The following HIBADH variants were observed in gnomAD, a reference collection of about 807,000 sequenced individuals.
The protein encoded by HIBADH is 3-hydroxyisobutyrate dehydrogenase, mitochondrial.
Under a neutral mutation model 36.1 loss-of-function variants are expected in HIBADH, and 25 were observed. The observed-to-expected ratio is 0.69, with a 90% CI of 0.50 to 0.97. The LOEUF (loss-of-function observed/expected upper bound fraction) is 0.97, where lower values mean the gene tolerates loss of function less well. Among genes scored for constraint, HIBADH ranks in the 50% least tolerant of loss-of-function variants. The pLI, the probability that HIBADH is intolerant of heterozygous loss-of-function variation, is 0.00. For missense variants in HIBADH, 421 were observed against 418.0 expected (o/e 1.01, Z -0.06); for synonymous variants, 160 against 149.5 (o/e 1.07, Z -0.51).
At chr7:27,642,624 T>G (rs192921068) in intron 2 of HIBADH, among the ~76,000 whole-genome samples, 1 of 151,162 alleles carries the variant, frequency 6.6e-6, no homozygotes, top group East Asian at 1.9e-4. Context: ...ATTCTTTCGC[T>G]GTCTGCCTAA....
rs528268207 is a variant in HIBADH, at chr7:27,566,778, C to T, written c.485-23678G>A. ...CAAAATATTTTCTAATATCCCTTGACATTTCCTCTTTGACCCATAGATTAC... is the reference window on the plus strand; with the variant it reads ...CAAAATATTTTCTAATATCCCTTGATATTTCCTCTTTGACCCATAGATTAC... On this transcript the variant is annotated intron_variant, in intron 4 of 7. Coordinates refer to ENST00000265395, the MANE Select transcript of HIBADH (RefSeq NM_152740.4). Among the ~76,000 whole-genome samples the T allele has an allele frequency of 3.3e-5, 5 of 152,216 alleles. No homozygotes were observed. The South Asian group carries it at 1.0e-3, about 32-fold the overall frequency.
chr7:27,611,498 GCACA>G (rs766200602), intron 4 of HIBADH, among the ~76,000 whole-genome samples: 1 of 122,994 alleles, frequency 8.1e-6, no homozygotes, highest in Non-Finnish European at 1.7e-5. Flanking sequence ...GTGTGTGCGC[GCACA>G]CACACACACC....
chr7:27,633,359 C>T (rs1331600872), intron 2 of HIBADH, among the ~76,000 whole-genome samples: 2 of 152,122 alleles, frequency 1.3e-5, no homozygotes, highest in South Asian at 2.1e-4. Flanking sequence ...TCAAACTCTC[C>T]TTTAATAGAA....
intron 5 of HIBADH, among the ~76,000 whole-genome samples, chr7:27,540,479 A>G (rs1034726743): frequency 3.9e-5 from 6 of 152,174 alleles, no homozygotes; most frequent in African/African-American, 1.4e-4. Flanking sequence ...GATTTCCTTG[A>G]TTGGCCCTGC....
chr7:27,631,990 T>C (rs1473414102), intron 3 of HIBADH, among the ~76,000 whole-genome samples: 1 of 152,186 alleles, frequency 6.6e-6, no homozygotes, highest in African/African-American at 2.4e-5. Context: ...ATAAAACCCT[T>C]TTCCTGAATT....
chr7:27,604,991 A>C (rs1562639960), intron 4 of HIBADH, among the ~76,000 whole-genome samples: 1 of 152,040 alleles, frequency 6.6e-6, no homozygotes, highest in Admixed American at 6.6e-5. Context: ...ATTAAACATC[A>C]CTCTGCATGG....
At chr7:27,640,288 T>C (rs1002275318) in intron 2 of HIBADH, among the ~76,000 whole-genome samples, 5 of 152,186 alleles carry the variant, frequency 3.3e-5, no homozygotes, top group African/African-American at 1.2e-4. Flanking sequence ...CCCAACACTT[T>C]GGGAGGCCAA....
rs373195931 is a variant in HIBADH at position 27,616,754 on chromosome 7, G to A, written c.484+12617C>T. Reference sequence around the variant, plus strand: ...TGGAATTACAGGCATGAGCCACTGCGCCCAGCCCCCATGTCTTCCTTTTTT... The same window carrying A: ...TGGAATTACAGGCATGAGCCACTGCACCCAGCCCCCATGTCTTCCTTTTTT... On this transcript the variant is annotated intron_variant, in intron 4 of 7. Coordinates refer to ENST00000265395, the MANE Select transcript of HIBADH (RefSeq NM_152740.4). 1.4e-4 allele frequency among the ~76,000 whole-genome samples: 22 copies of A among 151,896 alleles called. 1 individual carries two copies. In the East Asian group the frequency reaches 3.5e-3, roughly 24 times the overall value.
intron 4 of HIBADH, among the ~76,000 whole-genome samples, chr7:27,594,362 C>T (rs1213596341): frequency 1.3e-5 from 2 of 151,950 alleles, no homozygotes; most frequent in East Asian, 1.9e-4. Flanking sequence ...AGGCTGGTCT[C>T]GAACTTCTGA....
At chr7:27,551,670 C>T (rs2128185530) in intron 4 of HIBADH, among the ~76,000 whole-genome samples, 1 of 152,198 alleles carries the variant, frequency 6.6e-6, no homozygotes, top group Non-Finnish European at 1.5e-5. Context: ...AGAAAGAAGG[C>T]TTCAAATCCA....
chr7:27,582,027 G>A (rs1056739612), intron 4 of HIBADH, among the ~76,000 whole-genome samples: 2 of 152,090 alleles, frequency 1.3e-5, no homozygotes, highest in Non-Finnish European at 2.9e-5. Flanking sequence ...GTAATTATTA[G>A]CATTTGAAAT....
rs886782970 is a variant in HIBADH at position 27,538,539 on chromosome 7, T to C, written c.619-122A>G. On this transcript the variant is annotated intron_variant, in intron 5 of 7. Coordinates refer to ENST00000265395, the MANE Select transcript of HIBADH (RefSeq NM_152740.4). ...AGAAATAACATTCAACTGTTGATTT[T>C]CTCGAGTGCGGAAGAGAACCTGATG... The C allele has an allele frequency of 1.4e-4, 113 of 804,570 alleles. 1 individual carries two copies. Among genetic ancestry groups the C allele is most frequent in the African/African-American group, 3.4e-5 (2 of 58,548 alleles). The allele number at this position is 804,570 out of a possible 1,614,324, so 49.8% of individuals were successfully genotyped here. A position where few individuals can be genotyped will look rare whatever the true frequency, so the allele number is the denominator to read the frequency against.
chr7:27,562,093 A>AT (rs1169233376), intron 4 of HIBADH, among the ~76,000 whole-genome samples: 3 of 151,870 alleles, frequency 2.0e-5, no homozygotes, highest in South Asian at 2.1e-4. Context: ...CATTTAATCC[A>AT]TTTTTTCCTA....
chr7:27,655,434 GA>G (rs569847641), intron 1 of HIBADH, among the ~76,000 whole-genome samples: 101 of 152,120 alleles, frequency 6.6e-4, no homozygotes, highest in South Asian at 1.9e-3. Flanking sequence ...ATATGTGGAA[GA>G]AAAAAAGTCA....
chr7:27,526,044 T>TA lies in HIBADH; in HGVS notation c.*169dup, dbSNP rs1305485044. On this transcript the variant is annotated 3_prime_UTR_variant, in exon 8 of 8. Coordinates refer to ENST00000265395, the MANE Select transcript of HIBADH (RefSeq NM_152740.4). ...AAAAAAATTCGGATAATATGTTTGT[T>TA]AAAAAGACAAAAAGAATAAGCGGTG... The TA allele has an allele frequency of 1.0e-5, 5 of 501,934 alleles. No individual in the cohort carries two copies. The highest frequency in any genetic ancestry group is 5.9e-5 in the African/African-American group (3 of 50,424). 31.1% of individuals were successfully genotyped at this position (501,934 alleles called of 1,614,324 possible). A position where few individuals can be genotyped will look rare whatever the true frequency, so the allele number is the denominator to read the frequency against.
chr7:27,590,251 T>G (rs999352172), intron 4 of HIBADH, among the ~76,000 whole-genome samples: 1 of 152,096 alleles, frequency 6.6e-6, no homozygotes, highest in African/African-American at 2.4e-5. Context: ...CCCAGAAAAG[T>G]TGAGACTCAG....
At chr7:27,551,669 G>C (rs991254439) in intron 4 of HIBADH, among the ~76,000 whole-genome samples, 1 of 152,276 alleles carries the variant, frequency 6.6e-6, no homozygotes, top group Admixed American at 6.5e-5. Flanking sequence ...TAGAAAGAAG[G>C]CTTCAAATCC....
intron 2 of HIBADH, among the ~76,000 whole-genome samples, chr7:27,639,121 A>G (rs1448157054): frequency 6.6e-6 from 1 of 152,216 alleles, no homozygotes; most frequent in Non-Finnish European, 1.5e-5. Flanking sequence ...ACAGTTCACC[A>G]TAAAGACACA....
rs149026074 is a variant in HIBADH at position 27,639,491 on chromosome 7, G to A, written c.253-7046C>T. Reference sequence around the variant, plus strand: ...ATCAAAAAACTACCTGCCAGGTACCGTGCTTATTACCTGGGTGGCAAAATA... The same window carrying A: ...ATCAAAAAACTACCTGCCAGGTACCATGCTTATTACCTGGGTGGCAAAATA... On this transcript the variant is annotated intron_variant, in intron 2 of 7. Transcript: ENST00000265395. Among the ~76,000 whole-genome samples the A allele has an allele frequency of 1.5e-3, 224 of 152,200 alleles. 1 individual carries two copies. The highest frequency in any genetic ancestry group is 5.1e-3 in the African/African-American group (211 of 41,540).
Sources: gnomAD v4.1 joint callset for allele counts (sites outside exome capture counted in the v4.1 genomes callset) on GRCh38, gnomAD v4.1.1 for gene constraint, MANE v1.5 for transcripts, NCBI Gene and HGNC (gene_info 2026-07-23, HGNC 2026-07-21) for gene names.